The following IL1RAPL2 variants were observed in gnomAD, a reference collection of about 807,000 sequenced individuals.
The protein encoded by IL1RAPL2 is X-linked interleukin-1 receptor accessory protein-like 2.
A neutral mutation model predicts 44.1 loss-of-function variants in IL1RAPL2; 3 were observed. The ratio of observed to expected loss-of-function variants is 0.07; its 90% CI spans 0.03 to 0.18. The LOEUF (loss-of-function observed/expected upper bound fraction) is 0.18, where lower values mean the gene tolerates loss of function less well. Ranked by LOEUF, IL1RAPL2 falls within the 10% of genes least tolerant of loss-of-function variation. The pLI, the probability that IL1RAPL2 is intolerant of heterozygous loss-of-function variation, is 1.00. For missense variants in IL1RAPL2, 391 were observed against 496.4 expected (o/e 0.79, Z 2.02); for synonymous variants, 181 against 178.8 (o/e 1.01, Z -0.10).
chrX:105,019,845 T>C (rs1447989274), intron 2 of IL1RAPL2, among the ~76,000 whole-genome samples: 1 of 111,290 alleles, frequency 9.0e-6, no homozygotes, highest in African/African-American at 3.3e-5. Context: ...TAAAGGATAT[T>C]TGGTTTGCCT....
chrX:105,213,327 G>A (rs1468375348), intron 3 of IL1RAPL2, among the ~76,000 whole-genome samples: 1 of 108,620 alleles, frequency 9.2e-6, no homozygotes, highest in African/African-American at 3.4e-5. Context: ...ACTTTGTGAA[G>A]CATACACAAG....
At chrX:104,694,114 C>T (rs1376043217) in intron 2 of IL1RAPL2, among the ~76,000 whole-genome samples, 1 of 111,869 alleles carries the variant, frequency 8.9e-6, no homozygotes, top group Admixed American at 9.5e-5. Flanking sequence ...TATATGTAGC[C>T]AAGCCATGCA....
intron 5 of IL1RAPL2, among the ~76,000 whole-genome samples, chrX:105,291,378 A>T (rs957658475): frequency 1.8e-5 from 2 of 111,960 alleles, no homozygotes; most frequent in African/African-American, 6.5e-5. Context: ...ACTAAATTGT[A>T]ATGTTTTTTA....
chrX:105,169,513 T>TTTTTTTTTTTTTTC, intron 2 of IL1RAPL2, among the ~76,000 whole-genome samples: 1 of 80,511 alleles, frequency 1.2e-5, no homozygotes, highest in East Asian at 3.7e-4. Flanking sequence ...TTTTTTTTTT[T>TTTTTTTTTTTTTTC]TTTTTTTTTG....
intron 2 of IL1RAPL2, among the ~76,000 whole-genome samples, chrX:104,911,920 G>A (rs1484785538): frequency 3.6e-5 from 4 of 111,370 alleles, no homozygotes; most frequent in Non-Finnish European, 5.7e-5. Context: ...AATCTTCTCC[G>A]TATTCAGGCC....
chrX:104,648,443 C>T (rs765089849), intron 1 of IL1RAPL2, among the ~76,000 whole-genome samples: 3 of 112,301 alleles, frequency 2.7e-5, no homozygotes, highest in South Asian at 3.7e-4. Flanking sequence ...TAACAAATTG[C>T]CTTGTAAAAT....
Position 104,841,350 on chromosome X carries a change from G to A in IL1RAPL2, c.82+182355G>A, listed in dbSNP as rs139852459. Among the ~76,000 whole-genome samples, 926 of 111,849 alleles carry A rather than the reference G, an allele frequency of 8.3e-3. 12 individuals carry two copies. Among genetic ancestry groups the A allele is most frequent in the African/African-American group, 0.028 (869 of 30,782 alleles). On this transcript the variant is annotated intron_variant, in intron 2 of 10. Transcript: ENST00000372582. ...TCTTGACTCTTTATATAATTTGCCA[G>A]TCTGTGTCTTTTAATTGGGGCTTTT...
At chrX:105,731,474 G>C (rs1361279891) in intron 7 of IL1RAPL2, among the ~76,000 whole-genome samples, 6 of 110,474 alleles carry the variant, frequency 5.4e-5, no homozygotes, top group Admixed American at 9.6e-5. Context: ...TTTATCTAAA[G>C]AAAATGAAAT....
intron 2 of IL1RAPL2, among the ~76,000 whole-genome samples, chrX:105,193,578 T>A (rs1157333275): frequency 8.9e-6 from 1 of 112,260 alleles, no homozygotes; most frequent in Non-Finnish European, 1.9e-5. Context: ...TAATTTATAA[T>A]GATCCAGAAA....
At chrX:105,219,426 C>A in intron 3 of IL1RAPL2, 1 of 1,210,187 alleles carries the variant, frequency 8.3e-7, no homozygotes, top group Middle Eastern at 2.3e-4. Flanking sequence ...AATAGGTGTA[C>A]TTTTCCTGAT....
At chrX:105,004,849 A>G (rs894768553) in intron 2 of IL1RAPL2, among the ~76,000 whole-genome samples, 7 of 111,009 alleles carry the variant, frequency 6.3e-5, no homozygotes. Context: ...TCATCTGCAC[A>G]ATGTGAGATG....
At chrX:105,424,380 C>T (rs1478321093) in intron 5 of IL1RAPL2, among the ~76,000 whole-genome samples, 2 of 109,762 alleles carry the variant, frequency 1.8e-5, no homozygotes, top group South Asian at 4.1e-4. Context: ...TCTGATTAGC[C>T]TCTCCAAAGG....
intron 5 of IL1RAPL2, among the ~76,000 whole-genome samples, chrX:105,276,568 A>G (rs909395312): frequency 2.7e-5 from 3 of 112,396 alleles, no homozygotes; most frequent in African/African-American, 9.7e-5. Context: ...GCCATGTGAG[A>G]TTGAGAATCC....
At chrX:105,051,693 C>T (rs1381651777) in intron 2 of IL1RAPL2, among the ~76,000 whole-genome samples, 1 of 113,226 alleles carries the variant, frequency 8.8e-6, no homozygotes, top group Admixed American at 9.2e-5. Flanking sequence ...CTCCCACCGG[C>T]TGCATGGAGT....
chrX:104,655,585 G>T (rs1250134858), intron 1 of IL1RAPL2, among the ~76,000 whole-genome samples: 1 of 111,883 alleles, frequency 8.9e-6, no homozygotes, highest in Non-Finnish European at 1.9e-5. Flanking sequence ...GTATTTTATT[G>T]AGGATTTCCA....
chrX:105,583,108 G>A (rs1178543312), intron 6 of IL1RAPL2, among the ~76,000 whole-genome samples: 1 of 107,032 alleles, frequency 9.3e-6, no homozygotes, highest in East Asian at 2.9e-4. Context: ...TTCTTTGTGG[G>A]AAGGTTTTAA....
At chrX:105,105,548 C>T (rs963122305) in intron 2 of IL1RAPL2, among the ~76,000 whole-genome samples, 4 of 112,350 alleles carry the variant, frequency 3.6e-5, no homozygotes, top group African/African-American at 1.3e-4. Flanking sequence ...CCGTTGGGCT[C>T]GTTAGTTTGG....
At chrX:104,893,258 G>C (rs1165624592) in intron 2 of IL1RAPL2, among the ~76,000 whole-genome samples, 1 of 112,149 alleles carries the variant, frequency 8.9e-6, no homozygotes, top group Non-Finnish European at 1.9e-5. Context: ...TGAGAATAAT[G>C]TGTATTCTGT....
chrX:104,909,912 C>T, intron 2 of IL1RAPL2, among the ~76,000 whole-genome samples: 1 of 112,441 alleles, frequency 8.9e-6, no homozygotes, highest in Non-Finnish European at 1.9e-5. Context: ...CTTTGTTTAC[C>T]TAAGCAAGCC....
Sources: gnomAD v4.1 joint callset for allele counts (sites outside exome capture counted in the v4.1 genomes callset) on GRCh38, gnomAD v4.1.1 for gene constraint, MANE v1.5 for transcripts, NCBI Gene and HGNC (gene_info 2026-07-23, HGNC 2026-07-21) for gene names.